The following TACC2 variants were observed in gnomAD, a reference collection of about 807,000 sequenced individuals.
TACC2 encodes transforming acidic coiled-coil containing protein 2.
TACC2 carries 137 observed loss-of-function variants against 227.3 expected under a neutral mutation model. The ratio of observed to expected loss-of-function variants is 0.60; its 90% CI spans 0.52 to 0.69. The LOEUF is 0.69. TACC2 is among the 30% of genes least tolerant of loss of function. The pLI is 0.00. For missense variants in TACC2, 3,470 were observed against 3,694.4 expected (o/e 0.94, Z 1.57); for synonymous variants, 1,523 against 1,487.5 (o/e 1.02, Z -0.55).
chr10:122,124,150 G>T (rs111727851), intron 5 of TACC2, among the ~76,000 whole-genome samples: 1 of 152,080 alleles, frequency 6.6e-6, no homozygotes, highest in African/African-American at 2.4e-5. Flanking sequence ...TAATAATACC[G>T]GAGGTCTAAG....
chr10:122,065,550 C>T (rs1003653072), intron 3 of TACC2, among the ~76,000 whole-genome samples: 1 of 152,022 alleles, frequency 6.6e-6, no homozygotes, highest in Non-Finnish European at 1.5e-5. Context: ...CTCCCTTGTA[C>T]GTGTTCCATC....
chr10:122,238,511 C>T (rs1393050578), intron 18 of TACC2, among the ~76,000 whole-genome samples: 3 of 151,800 alleles, frequency 2.0e-5, no homozygotes, highest in East Asian at 3.9e-4. Context: ...GCAGTGGCGC[C>T]ACCTCGGCTC....
intron 3 of TACC2, among the ~76,000 whole-genome samples, chr10:122,072,294 A>G (rs1399833621): frequency 6.6e-6 from 1 of 152,074 alleles, no homozygotes; most frequent in East Asian, 1.9e-4. Context: ...TTTTTCAGTC[A>G]TCTATTGCCT....
rs1261892627 is a variant in TACC2, at chr10:122,085,693, C to T, written c.3193C>T (p.Pro1065Ser). The T allele has an allele frequency of 9.3e-6, 15 of 1,613,764 alleles. No homozygotes were observed. Among genetic ancestry groups the T allele is most frequent in the Non-Finnish European group, 1.3e-5 (15 of 1,180,022 alleles). The change falls in exon 4 of 23, where the codon CCC (proline) becomes TCC (serine). Residue 1065 changes from proline (P) to serine (S), a missense_variant. Around this residue, in one of 10 missense-constraint regions of TACC2, gnomAD observed 1,924 missense variants for 1,978.3 expected, o/e 0.97. Coordinates refer to ENST00000369005, the MANE Select transcript of TACC2 (RefSeq NM_206862.4). ...DAVPCLPALA[P>S]ASPGVTPTQD... ...AGTTCCCTGCCTGCCAGCCCTGGCG[C>T]CCGCCAGCCCCGGAGTCACACCCAC...
chr10:122,169,221 C>T (rs566473705), intron 7 of TACC2, among the ~76,000 whole-genome samples: 1 of 152,210 alleles, frequency 6.6e-6, no homozygotes, highest in Admixed American at 6.5e-5. Flanking sequence ...CAGCTGGATG[C>T]TGCAGTGTTG....
At chr10:122,187,516 A>T (rs1315991471) in intron 7 of TACC2, among the ~76,000 whole-genome samples, 2 of 151,736 alleles carry the variant, frequency 1.3e-5, no homozygotes, top group East Asian at 1.9e-4. Context: ...TCTGAGACAG[A>T]GTCTCGCTCT....
intron 11 of TACC2, among the ~76,000 whole-genome samples, chr10:122,220,972 A>G (rs1280931061): frequency 1.3e-5 from 2 of 152,236 alleles, no homozygotes; most frequent in African/African-American, 4.8e-5. Context: ...TTATGTGAGC[A>G]TGGAACAGGC....
In TACC2 at chr10:122,223,045, C is replaced by G. The variant is rs1027941280; in HGVS notation, c.7547-1681C>G. 3.5e-5 allele frequency among the ~76,000 whole-genome samples: 5 copies of G among 142,318 alleles called. No individual in the cohort carries two copies. In the Admixed American group the frequency reaches 3.6e-4, roughly 10 times the overall value. 93.4% of individuals were successfully genotyped at this position (142,318 alleles called of 152,430 possible). A position where few individuals can be genotyped will look rare whatever the true frequency, so the allele number is the denominator to read the frequency against. On this transcript the variant is annotated intron_variant, in intron 11 of 22. Transcript: ENST00000369005. ...CTGTCTCCTTCCTCCTCCTCTCTCTCTCTCTCTCTTTTTTTTTTTTTTTTT... is the reference window on the plus strand; with the variant it reads ...CTGTCTCCTTCCTCCTCCTCTCTCTGTCTCTCTCTTTTTTTTTTTTTTTTT...
chr10:122,235,822 A>G (rs541064112), intron 16 of TACC2, among the ~76,000 whole-genome samples: 39 of 152,084 alleles, frequency 2.6e-4, no homozygotes, highest in African/African-American at 8.9e-4. Flanking sequence ...TGAGGGCCTG[A>G]GCCTGCCCTG....
intron 7 of TACC2, among the ~76,000 whole-genome samples, chr10:122,171,428 C>A (rs2093467502): frequency 6.6e-6 from 1 of 152,164 alleles, no homozygotes; most frequent in South Asian, 2.1e-4. Flanking sequence ...GGCTCTGTGT[C>A]CTTATGGGGC....
intron 11 of TACC2, among the ~76,000 whole-genome samples, chr10:122,224,187 T>C (rs4752672): frequency 0.34 from 51,787 of 152,112 alleles, 9,482 homozygotes; most frequent in Middle Eastern, 0.5. Context: ...GGTAGAACCC[T>C]GGGAAAGGCT....
chr10:122,204,604 G>A (rs2095040617), intron 8 of TACC2, among the ~76,000 whole-genome samples: 1 of 152,260 alleles, frequency 6.6e-6, no homozygotes, highest in Non-Finnish European at 1.5e-5. Flanking sequence ...GGGAGGCTGA[G>A]GTGGGAGGAT....
At chr10:122,062,797 GC>G (rs2076981242) in intron 3 of TACC2, among the ~76,000 whole-genome samples, 1 of 152,200 alleles carries the variant, frequency 6.6e-6, no homozygotes, top group Non-Finnish European at 1.5e-5. Flanking sequence ...TAAATGGAAG[GC>G]CAGGATGTTT....
At chr10:122,218,002 T>C (rs1193258747) in intron 11 of TACC2, among the ~76,000 whole-genome samples, 1 of 152,054 alleles carries the variant, frequency 6.6e-6, no homozygotes, top group Non-Finnish European at 1.5e-5. Context: ...TGGAGTGCAA[T>C]GATGTGATCT....
chr10:122,192,741 G>A (rs1163350747), intron 7 of TACC2: 2 of 456,564 alleles, frequency 4.4e-6, no homozygotes, highest in African/African-American at 2.0e-5. Context: ...TGTGGACAGC[G>A]GTGACCAGCA....
intron 7 of TACC2, among the ~76,000 whole-genome samples, chr10:122,178,465 G>A (rs563737110): frequency 3.6e-4 from 55 of 152,142 alleles, no homozygotes; most frequent in African/African-American, 1.3e-3. Context: ...TCAAACTCCC[G>A]ACCTCAGGTG....
At chr10:121,993,131 C>T (rs1427644104) in intron 1 of TACC2, among the ~76,000 whole-genome samples, 2 of 151,976 alleles carry the variant, frequency 1.3e-5, no homozygotes, top group Non-Finnish European at 2.9e-5. Flanking sequence ...ACAGACTGGG[C>T]AATGTTGCAA....
rs3037067 is a variant in TACC2 at position 122,126,316 on chromosome 10, C to CTGTGTGTGTGTGTGTGTGTGTGTG, written c.5574-6285_5574-6262dup. 7.2e-3 allele frequency among the ~76,000 whole-genome samples: 1,025 copies of CTGTGTGTGTGTGTGTGTGTGTGTG among 142,080 alleles called. 11 individuals are homozygous for CTGTGTGTGTGTGTGTGTGTGTGTG. The highest frequency in any genetic ancestry group is 0.015 in the Middle Eastern group (4 of 272). 93.2% of individuals were successfully genotyped at this position (142,080 alleles called of 152,430 possible). On this transcript the variant is annotated intron_variant, in intron 5 of 22. Transcript: ENST00000369005. Reference sequence around the variant, plus strand: ...TTATTCCATGGGTTATAATCCAGAACTGTGTGTGTGTGTGTGTGTGTGTGT... The same window carrying CTGTGTGTGTGTGTGTGTGTGTGTG: ...TTATTCCATGGGTTATAATCCAGAACTGTGTGTGTGTGTGTGTGTGTGTGTGTGTGTGTGTGTGTGTGTGTGTGT...
intron 7 of TACC2, among the ~76,000 whole-genome samples, chr10:122,153,761 T>C (rs1179692114): frequency 6.6e-6 from 1 of 152,224 alleles, no homozygotes; most frequent in South Asian, 2.1e-4. Flanking sequence ...TTATTTTCAT[T>C]GCACAGATGA....
Sources: gnomAD v4.1 joint callset for allele counts (sites outside exome capture counted in the v4.1 genomes callset) on GRCh38, gnomAD v4.1.1 for gene constraint, gnomAD v4.1.1 regional missense constraint, MANE v1.5 for transcripts, NCBI Gene and HGNC (gene_info 2026-07-23, HGNC 2026-07-21) for gene names.